Variants in PRIMPOL observed in about 807,000 individuals in gnomAD.
PRIMPOL encodes DNA-directed primase/polymerase protein.
PRIMPOL carries 54 observed loss-of-function variants against 63.6 expected under a neutral mutation model. The observed-to-expected ratio is 0.85, with a 90% confidence interval of 0.68 to 1.07. PRIMPOL has a LOEUF of 1.07. Ranked by LOEUF, PRIMPOL falls within the 50% of genes least tolerant of loss-of-function variation. The pLI is 0.00. For missense variants in PRIMPOL, 610 were observed against 648.3 expected (o/e 0.94, Z 0.64); for synonymous variants, 197 against 220.2 (o/e 0.89, Z 0.93).
At chr4:184,667,716 C>T (rs1750478534) in intron 6 of PRIMPOL, among the ~76,000 whole-genome samples, 1 of 152,202 alleles carries the variant, frequency 6.6e-6, no homozygotes, top group South Asian at 2.1e-4. Context: ...CAAGTCCCTC[C>T]CCCAGTTCCT....
chr4:184,672,748 C>T (rs1056567770), intron 7 of PRIMPOL, among the ~76,000 whole-genome samples: 1 of 152,080 alleles, frequency 6.6e-6, no homozygotes, highest in Admixed American at 6.6e-5. Flanking sequence ...GACAGTTGGA[C>T]CAGCTTCCTC....
At chr4:184,672,836 C>T (rs775223762) in intron 7 of PRIMPOL, among the ~76,000 whole-genome samples, 8 of 152,136 alleles carry the variant, frequency 5.3e-5, no homozygotes, top group South Asian at 2.1e-4. Context: ...TCGTGTGGCG[C>T]GGTGAGCCTG....
intron 3 of PRIMPOL, among the ~76,000 whole-genome samples, chr4:184,657,993 C>CA (rs1746979302): frequency 1.7e-5 from 1 of 59,946 alleles, no homozygotes; most frequent in South Asian, 4.3e-4. Flanking sequence ...AACTCCATCT[C>CA]AAAAATAAAT....
rs971174672 is a variant in PRIMPOL at position 184,661,979 on chromosome 4, C to T, written c.408+76C>T. The T allele has an allele frequency of 8.7e-6, 12 of 1,380,416 alleles. No individual in the cohort carries two copies. In the Admixed American group the frequency reaches 2.3e-4, roughly 26 times the overall value. 85.5% of individuals were successfully genotyped at this position (1,380,416 alleles called of 1,614,324 possible). A position where few individuals can be genotyped will look rare whatever the true frequency, so the allele number is the denominator to read the frequency against. On this transcript the variant is annotated intron_variant, in intron 5 of 13. Coordinates refer to ENST00000314970, the MANE Select transcript of PRIMPOL (RefSeq NM_152683.4). The stretch of plus-strand genomic sequence containing the variant: ...TTATTCATTCAGTGAATTCAGCCTA[C>T]ATAATAGTAGGTTCTGTATCTCTTC...
rs532148633 is a variant in PRIMPOL at position 184,667,569 on chromosome 4, C to T, written c.556+1505C>T. Among the ~76,000 whole-genome samples, 278 of 152,298 alleles carry T rather than the reference C, an allele frequency of 1.8e-3. 1 individual carries two copies. The highest frequency in any genetic ancestry group is 3.0e-3 in the Non-Finnish European group (202 of 68,022). ...TTGTGATCTGCCCGCCTTGGCCTCC[C>T]AAAGTGCTGGGATTACAGGCGTGAG... is the stretch of plus-strand genomic sequence containing the variant. On this transcript the variant is annotated intron_variant, in intron 6 of 13. Transcript: ENST00000314970.
intron 2 of PRIMPOL, among the ~76,000 whole-genome samples, chr4:184,654,487 G>A (rs2705883): frequency 0.47 from 55,757 of 118,062 alleles, 11,875 homozygotes; most frequent in East Asian, 0.74. Flanking sequence ...GTCTCGCTCC[G>A]TTGCCCAGGC....
chr4:184,679,947 T>A (rs906690348), intron 8 of PRIMPOL, among the ~76,000 whole-genome samples: 2 of 152,182 alleles, frequency 1.3e-5, no homozygotes, highest in African/African-American at 4.8e-5. Context: ...CCAGAAAGGT[T>A]GGGGACTGCC....
intron 6 of PRIMPOL, among the ~76,000 whole-genome samples, chr4:184,667,643 T>C (rs1219715581): frequency 1.3e-5 from 2 of 152,098 alleles, no homozygotes; most frequent in Non-Finnish European, 2.9e-5. Flanking sequence ...CCTTACAAGA[T>C]TGGGTGTCTG....
chr4:184,679,651 G>C (rs1353406656), intron 8 of PRIMPOL, among the ~76,000 whole-genome samples: 1 of 152,138 alleles, frequency 6.6e-6, no homozygotes, highest in Admixed American at 6.6e-5. Context: ...AGTGGTCTGT[G>C]GTGGGAACTG....
chr4:184,681,747 G>A (rs756020549), intron 8 of PRIMPOL, among the ~76,000 whole-genome samples: 3 of 151,884 alleles, frequency 2.0e-5, no homozygotes, highest in Non-Finnish European at 2.9e-5. Flanking sequence ...GCTAATTTTT[G>A]TATTTTTAGT....
chr4:184,681,241 T>C (rs1579570645), intron 8 of PRIMPOL, among the ~76,000 whole-genome samples: 1 of 152,170 alleles, frequency 6.6e-6, no homozygotes, highest in Admixed American at 6.5e-5. Flanking sequence ...CACCCCTCCT[T>C]CTTTCTTCAT....
At chr4:184,681,539 T>G (rs961883968) in intron 8 of PRIMPOL, among the ~76,000 whole-genome samples, 11 of 151,996 alleles carry the variant, frequency 7.2e-5, no homozygotes, top group East Asian at 3.8e-4. Context: ...TGTATTATTT[T>G]TATTATTTTT....
intron 7 of PRIMPOL, among the ~76,000 whole-genome samples, chr4:184,674,226 G>A (rs1478418689): frequency 6.6e-6 from 1 of 152,170 alleles, no homozygotes; most frequent in Non-Finnish European, 1.5e-5. Flanking sequence ...CAGAGAGGAT[G>A]GGGAAATCAT....
At chr4:184,674,190 C>T (rs80064379) in intron 7 of PRIMPOL, among the ~76,000 whole-genome samples, 4,405 of 152,248 alleles carry the variant, frequency 0.029, 220 homozygotes, top group African/African-American at 0.1. Context: ...ACTCTTGATA[C>T]ATGTGCCTGG....
chr4:184,692,441 T>C (rs1473652805), intron 13 of PRIMPOL, among the ~76,000 whole-genome samples: 2 of 112,518 alleles, frequency 1.8e-5, no homozygotes, highest in East Asian at 3.1e-4. Flanking sequence ...GCCATTACAC[T>C]CCAGCCTGGG....
intron 11 of PRIMPOL, among the ~76,000 whole-genome samples, chr4:184,688,162 A>G (rs1757490600): frequency 6.6e-6 from 1 of 152,222 alleles, no homozygotes; most frequent in African/African-American, 2.4e-5. Flanking sequence ...ATCACCTAGT[A>G]TACATGTGCT....
At chr4:184,668,285 G>A (rs1431041910) in intron 6 of PRIMPOL, among the ~76,000 whole-genome samples, 2 of 152,190 alleles carry the variant, frequency 1.3e-5, no homozygotes, top group East Asian at 3.8e-4. Flanking sequence ...ATCAGTGAGT[G>A]GTGTCACCAG....
At chr4:184,656,613 T>C (rs1021675300) in intron 2 of PRIMPOL, among the ~76,000 whole-genome samples, 6 of 152,152 alleles carry the variant, frequency 3.9e-5, no homozygotes, top group African/African-American at 1.4e-4. Flanking sequence ...CTAAGAGCTG[T>C]ACATTGGTAT....
chr4:184,657,996 A>AAATG (rs1288403410), intron 3 of PRIMPOL, among the ~76,000 whole-genome samples: 1 of 12,396 alleles, frequency 8.1e-5, no homozygotes, highest in Non-Finnish European at 2.8e-4. Flanking sequence ...TCCATCTCAA[A>AAATG]AATAAATAAA....
Sources: gnomAD v4.1 joint callset for allele counts (sites outside exome capture counted in the v4.1 genomes callset) on GRCh38, gnomAD v4.1.1 for gene constraint, MANE v1.5 for transcripts, NCBI Gene and HGNC (gene_info 2026-07-23, HGNC 2026-07-21) for gene names.